Variants in IGF2BP2 observed in about 807,000 individuals in gnomAD.
The protein encoded by IGF2BP2 is insulin-like growth factor 2 mRNA-binding protein 2.
Under a neutral mutation model 75.8 loss-of-function variants are expected in IGF2BP2, and 17 were observed. The observed-to-expected ratio is 0.22, with a 90% CI of 0.15 to 0.34. The LOEUF is 0.34. Among genes scored for constraint, IGF2BP2 ranks in the 10% least tolerant of loss-of-function variants. The probability of loss-of-function intolerance (pLI) is 1.00; values close to 1 mark genes in which losing one functional copy is unlikely to be tolerated. For missense variants in IGF2BP2, 516 were observed against 772.4 expected, an observed-to-expected ratio of 0.67 and a Z score of 3.93; for synonymous variants, 288 against 295.6, an observed-to-expected ratio of 0.97 and a Z score of 0.26.
chr3:185,724,866 GTCATGCTTCTGAACA>G (rs1221218104), intron 2 of IGF2BP2: 2 of 152,162 alleles, frequency 1.3e-5, no homozygotes, highest in African/African-American at 4.8e-5. Flanking sequence ...CCCCTTGATA[GTCATGCTTCTGAACA>G]TGGTGACAGT....
intron 2 of IGF2BP2, among the ~76,000 whole-genome samples, chr3:185,773,610 G>A (rs759341112): frequency 6.6e-6 from 1 of 152,136 alleles, no homozygotes; most frequent in Non-Finnish European, 1.5e-5. Flanking sequence ...AAGTTAGGAA[G>A]GCCAAGGAGG....
chr3:185,690,151 T>C (rs1721756816), intron 5 of IGF2BP2, among the ~76,000 whole-genome samples: 1 of 152,190 alleles, frequency 6.6e-6, no homozygotes, highest in Non-Finnish European at 1.5e-5. Flanking sequence ...ATCAGCCTGG[T>C]CAGGCTTCAT....
chr3:185,751,434 C>T (rs984128064), intron 2 of IGF2BP2, among the ~76,000 whole-genome samples: 1 of 151,670 alleles, frequency 6.6e-6, no homozygotes. Flanking sequence ...AAAAATTAGC[C>T]AGGCATGGTG....
At chr3:185,659,119 T>C (rs1715967203) in intron 10 of IGF2BP2, among the ~76,000 whole-genome samples, 1 of 151,950 alleles carries the variant, frequency 6.6e-6, no homozygotes, top group African/African-American at 2.4e-5. Context: ...CTCAGGAGGC[T>C]GAAGTGGGAG....
At position 185,665,461 on chromosome 3, in the gene IGF2BP2, A is replaced by G. The variant is rs1398286764; in HGVS notation, c.1201-7052T>C. On this transcript the variant is annotated intron_variant, in intron 10 of 15. Transcript: ENST00000382199. Reference sequence around the variant, plus strand: ...GGAGAAGGAGGAGGAGGAGGAGAAGAAGAAGAAGAAGAAGGAGAAGAAGGA... The same window carrying G: ...GGAGAAGGAGGAGGAGGAGGAGAAGGAGAAGAAGAAGAAGGAGAAGAAGGA... Among the ~76,000 whole-genome samples the G allele has an allele frequency of 1.1e-3, 78 of 71,686 alleles. 4 individuals carry two copies. The highest frequency in any genetic ancestry group is 1.5e-3 in the Non-Finnish European group (53 of 36,088). 47.0% of individuals were successfully genotyped at this position (71,686 alleles called of 152,430 possible). A position where few individuals can be genotyped will look rare whatever the true frequency, so the allele number is the denominator to read the frequency against.
At chr3:185,789,316 T>G (rs1736310967) in intron 2 of IGF2BP2, among the ~76,000 whole-genome samples, 2 of 152,196 alleles carry the variant, frequency 1.3e-5, no homozygotes, top group Admixed American at 1.3e-4. Context: ...TGACACAAGC[T>G]GAGCCTATCA....
At chr3:185,734,964 C>CGAAGACA (rs1156568667) in intron 2 of IGF2BP2, among the ~76,000 whole-genome samples, 1 of 152,064 alleles carries the variant, frequency 6.6e-6, no homozygotes, top group Admixed American at 6.5e-5. Context: ...ACTGTAATAG[C>CGAAGACA]GAAGACAGCG....
intron 12 of IGF2BP2, among the ~76,000 whole-genome samples, chr3:185,653,492 G>A (rs571988668): frequency 3.3e-5 from 5 of 152,014 alleles, no homozygotes; most frequent in Non-Finnish European, 5.9e-5. Context: ...GTGGTGGCGC[G>A]TGCCTGCAGT....
chr3:185,764,351 G>A (rs1446488145), intron 2 of IGF2BP2, among the ~76,000 whole-genome samples: 1 of 152,126 alleles, frequency 6.6e-6, no homozygotes, highest in Non-Finnish European at 1.5e-5. Context: ...GTTATGAGAT[G>A]TCCGAAGCAC....
At chr3:185,710,115 A>G (rs1264009593) in intron 2 of IGF2BP2, among the ~76,000 whole-genome samples, 1 of 151,692 alleles carries the variant, frequency 6.6e-6, no homozygotes, top group Non-Finnish European at 1.5e-5. Context: ...TGGTTACTCA[A>G]TCCAACTCCT....
At chr3:185,719,057 C>T (rs1272744459) in intron 2 of IGF2BP2, among the ~76,000 whole-genome samples, 1 of 152,068 alleles carries the variant, frequency 6.6e-6, no homozygotes, top group Non-Finnish European at 1.5e-5. Flanking sequence ...GGAGAGGAAG[C>T]AGACAGAGGA....
intron 2 of IGF2BP2, among the ~76,000 whole-genome samples, chr3:185,734,656 C>T (rs748996542): frequency 5.3e-5 from 8 of 152,186 alleles, no homozygotes; most frequent in Non-Finnish European, 1.0e-4. Context: ...GTATTTAAGG[C>T]AGCAGTAACG....
At chr3:185,747,161 T>C (rs1429434311) in intron 2 of IGF2BP2, among the ~76,000 whole-genome samples, 1 of 152,250 alleles carries the variant, frequency 6.6e-6, no homozygotes, top group Non-Finnish European at 1.5e-5. Flanking sequence ...TCTTCCTAAA[T>C]TATCCACTTT....
intron 2 of IGF2BP2, among the ~76,000 whole-genome samples, chr3:185,819,828 G>C (rs188190606): frequency 6.9e-6 from 1 of 144,488 alleles, no homozygotes; most frequent in Non-Finnish European, 1.5e-5. Flanking sequence ...GACTGCAGCA[G>C]GGAGGGCCTG....
At chr3:185,663,585 C>A (rs905496082) in intron 10 of IGF2BP2, among the ~76,000 whole-genome samples, 2 of 151,896 alleles carry the variant, frequency 1.3e-5, no homozygotes, top group Non-Finnish European at 2.9e-5. Context: ...CCATCTGATA[C>A]ACAATTTAGG....
chr3:185,813,435 T>A (rs1224539422), intron 2 of IGF2BP2, among the ~76,000 whole-genome samples: 1 of 152,120 alleles, frequency 6.6e-6, no homozygotes, highest in Non-Finnish European at 1.5e-5. Context: ...GTTTACAAAT[T>A]CAGTGTCCAT....
chr3:185,665,377 G>GAGGAGGAGGAGA (rs1717258184), intron 10 of IGF2BP2, among the ~76,000 whole-genome samples: 2 of 129,076 alleles, frequency 1.5e-5, no homozygotes, highest in Non-Finnish European at 3.3e-5. Context: ...GGAGGAGAAG[G>GAGGAGGAGGAGA]AGGAGGAGGA....
At chr3:185,678,303 T>G (rs1719857151) in intron 7 of IGF2BP2, among the ~76,000 whole-genome samples, 1 of 152,198 alleles carries the variant, frequency 6.6e-6, no homozygotes. Context: ...GATGATATAT[T>G]TGAAGTGCTG....
chr3:185,815,576 C>G (rs1395991975), intron 2 of IGF2BP2, among the ~76,000 whole-genome samples: 2 of 152,152 alleles, frequency 1.3e-5, no homozygotes, highest in African/African-American at 4.8e-5. Context: ...GAAGCCTAGT[C>G]CAGTGCCTAG....
Sources: allele counts gnomAD v4.1 joint callset (sites outside exome capture counted in the v4.1 genomes callset), GRCh38; gene constraint gnomAD v4.1.1; transcripts MANE v1.5; gene names NCBI Gene and HGNC (gene_info 2026-07-23, HGNC 2026-07-21).